Variants in FREM1 observed in about 807,000 individuals in gnomAD.
FREM1 encodes FRAS1 related extracellular matrix 1.
A neutral mutation model predicts 210.1 loss-of-function variants in FREM1; 220 were observed. The observed-to-expected ratio is 1.05, with a 90% CI of 0.94 to 1.17. The LOEUF is 1.17. Among genes scored for constraint, FREM1 ranks in the 50% most tolerant of loss-of-function variants. The probability of loss-of-function intolerance (pLI) is 0.00; values close to 1 mark genes in which losing one functional copy is unlikely to be tolerated. For synonymous variants in FREM1, 1,189 were observed against 980.2 expected, an observed-to-expected ratio of 1.21 and a Z score of -3.98; for missense variants, 3,454 against 2,675.5, an observed-to-expected ratio of 1.29 and a Z score of -6.42.
chr9:14,819,793 C>G (rs969697685), intron 13 of FREM1, among the ~76,000 whole-genome samples: 2 of 152,214 alleles, frequency 1.3e-5, no homozygotes, highest in Admixed American at 1.3e-4. Flanking sequence ...ATTCCCATCA[C>G]TGTTCAATAC....
chr9:14,861,649 G>A (rs948617886), intron 3 of FREM1, among the ~76,000 whole-genome samples: 18 of 151,674 alleles, frequency 1.2e-4, no homozygotes, highest in African/African-American at 3.6e-4. Flanking sequence ...TGGGACTACA[G>A]GTGCCTGCCA....
Position 14,776,016 on chromosome 9 carries a change from AG to A in FREM1, c.4629del (p.Phe1544SerfsTer62), listed in dbSNP as rs1848499920. ...TGCTGGGGGAGCTGAACCAAGAGGA[AG>A]GTGAGGTTCTCCGCAGGTGTATCAG... ...TDPDTPAENLTFLLVQLPQHG... is the reference protein window; with the variant it reads ...TDPDTPAENLXFLLVQLPQHG... On this transcript the variant is annotated frameshift_variant, in exon 25 of 37. Coordinates refer to ENST00000380880, the MANE Select transcript of FREM1 (RefSeq NM_001379081.2). LOFTEE classifies it high-confidence loss of function. 3.1e-6 allele frequency: 5 copies of A among 1,614,004 alleles called. No homozygotes were observed. Among genetic ancestry groups the A allele is most frequent in the Non-Finnish European group, 4.2e-6 (5 of 1,179,876 alleles).
chr9:14,751,730 T>A (rs563797286), intron 29 of FREM1: 14 of 152,096 alleles, frequency 9.2e-5, no homozygotes, highest in Non-Finnish European at 1.9e-4. Context: ...ACTGTCCATC[T>A]ATATGGTGGC....
At chr9:14,897,701 C>G (rs1198662617) in intron 1 of FREM1, among the ~76,000 whole-genome samples, 1 of 152,060 alleles carries the variant, frequency 6.6e-6, no homozygotes, top group Non-Finnish European at 1.5e-5. Flanking sequence ...AGCAATCCTC[C>G]CACCTCAGCT....
chr9:14,807,936 T>C lies in FREM1; in HGVS notation c.3088+4A>G. ...AGTACTGGAACAAAAAAACACATTG[T>C]CACCTATTGCAATGGAAGGTGGCTG... On this transcript the variant is annotated splice_donor_region_variant and intron_variant, in intron 17 of 36. Coordinates refer to ENST00000380880, the MANE Select transcript of FREM1 (RefSeq NM_001379081.2). The C allele has an allele frequency of 6.2e-7, 1 of 1,605,150 alleles. No homozygotes were observed. The highest frequency in any genetic ancestry group is 8.5e-7 in the Non-Finnish European group (1 of 1,172,598).
intron 5 of FREM1, among the ~76,000 whole-genome samples, chr9:14,851,894 C>A (rs903313): frequency 6.6e-6 from 1 of 152,104 alleles, no homozygotes; most frequent in African/African-American, 2.4e-5. Context: ...GGAGCACCTA[C>A]TTTGGCATCA....
intron 19 of FREM1, 124 bp from the exon 20 acceptor site, chr9:14,801,998 G>C: frequency 1.5e-6 from 1 of 647,336 alleles, no homozygotes; most frequent in African/African-American, 1.8e-5. Context: ...ATTTATATAG[G>C]ATGAGTCCTA....
At chr9:14,901,589 A>T (rs1838789500) in intron 1 of FREM1, among the ~76,000 whole-genome samples, 1 of 152,286 alleles carries the variant, frequency 6.6e-6, no homozygotes, top group Non-Finnish European at 1.5e-5. Context: ...AATAAAATGG[A>T]TTTTTTATAT....
At chr9:14,796,172 G>A (rs1265889509) in intron 21 of FREM1, among the ~76,000 whole-genome samples, 1 of 152,158 alleles carries the variant, frequency 6.6e-6, no homozygotes, top group East Asian at 1.9e-4. Flanking sequence ...GGGCAGATAA[G>A]GAAGGGACTT....
At position 14,851,611 on chromosome 9, in the gene FREM1, T is replaced by C. The variant is rs1181377782; in HGVS notation, c.829-4A>G. The stretch of plus-strand genomic sequence containing the variant: ...CAGGCAGCCACGCACTCTCTGACTT[T>C]TGAAGGATAGAGAAAATATAAAGGA... On this transcript the variant is annotated splice_polypyrimidine_tract_variant and splice_region_variant and intron_variant, in intron 5 of 36. Transcript: ENST00000380880. 9 of 1,604,260 alleles carry C rather than the reference T, an allele frequency of 5.6e-6. No homozygotes were observed. The highest frequency in any genetic ancestry group is 6.8e-6 in the Non-Finnish European group (8 of 1,171,160).
At position 14,806,651 on chromosome 9, in the gene FREM1, T is replaced by G; in HGVS notation, c.3274+10A>C. 6.6e-7 allele frequency: 1 copy of G among 1,514,022 alleles called. No homozygotes were observed. The highest frequency in any genetic ancestry group is 9.1e-7 in the Non-Finnish European group (1 of 1,098,896). 93.8% of individuals were successfully genotyped at this position (1,514,022 alleles called of 1,614,324 possible). ...AGGGAGTCATTGCTGGTGACGAAGC[T>G]ACAGCTTACCTATACTTATGCCAAT... On this transcript the variant is annotated intron_variant, in intron 18 of 36. Coordinates refer to ENST00000380880, the MANE Select transcript of FREM1 (RefSeq NM_001379081.2).
chr9:14,756,487 T>A, intron 28 of FREM1, 41 bp from the exon 29 acceptor site: 1 of 1,345,460 alleles, frequency 7.4e-7, no homozygotes, highest in South Asian at 1.3e-5. Context: ...TAAAAATAAA[T>A]ATTCTACAAT....
chr9:14,864,281 T>C (rs1279390132), intron 2 of FREM1, among the ~76,000 whole-genome samples: 1 of 152,242 alleles, frequency 6.6e-6, no homozygotes, highest in Non-Finnish European at 1.5e-5. Context: ...GAGAGTTCTT[T>C]CTGTGTGTCT....
chr9:14,897,575 C>T lies in FREM1; in HGVS notation c.-268+12339G>A, dbSNP rs567643361. 2.1e-5 allele frequency among the ~76,000 whole-genome samples: 3 copies of T among 146,166 alleles called. No individual in the cohort carries two copies. In the East Asian group the frequency reaches 5.9e-4, roughly 29 times the overall value. ...CCTAAAACCAACAAAGAGGCTTAAT[C>T]GAACTGTAATGATAATTTTTTTTTT... On this transcript the variant is annotated intron_variant, in intron 1 of 36. Transcript: ENST00000380880.
chr9:14,812,679 G>A lies in FREM1; in HGVS notation c.2893+133C>T, dbSNP rs554571108. Reference sequence around the variant, plus strand: ...ATGGTGATCATGCTGGAAAAATGGAGGCCAGGCTGCAGCTGCTTCTTGTTT... The same window carrying A: ...ATGGTGATCATGCTGGAAAAATGGAAGCCAGGCTGCAGCTGCTTCTTGTTT... On this transcript the variant is annotated intron_variant, in intron 16 of 36. Transcript: ENST00000380880. 4 of 861,300 alleles carry A rather than the reference G, an allele frequency of 4.6e-6. No homozygotes were observed. The South Asian group carries it at 8.4e-5, about 18-fold the overall frequency. The allele number at this position is 861,300 out of a possible 1,614,324, so 53.4% of individuals were successfully genotyped here.
In FREM1 at chr9:14,869,181, A is replaced by C. The variant is rs7860346; in HGVS notation, c.-204T>G. On this transcript the variant is annotated 5_prime_UTR_variant, in exon 2 of 37. Coordinates refer to ENST00000380880, the MANE Select transcript of FREM1 (RefSeq NM_001379081.2). The stretch of plus-strand genomic sequence containing the variant: ...CAGGCAATCCCAGGGCTTTTAATAA[A>C]ACTCGCTGATCACTCCTGACAACGC... 10,555 of 514,320 alleles carry C rather than the reference A, an allele frequency of 0.021. 750 individuals are homozygous for C. Among genetic ancestry groups the C allele is most frequent in the African/African-American group, 0.17 (8,882 of 53,094 alleles). 31.9% of individuals were successfully genotyped at this position (514,320 alleles called of 1,614,324 possible).
chr9:14,829,570 A>G (rs1384351831), intron 10 of FREM1, among the ~76,000 whole-genome samples: 2 of 152,184 alleles, frequency 1.3e-5, no homozygotes, highest in East Asian at 1.9e-4. Flanking sequence ...TGAGGCTGCA[A>G]GTTCAAGCTC....
rs116152252 is a variant in FREM1 at position 14,741,561 on chromosome 9, C to A, written c.6255-1327G>T. 3.7e-3 allele frequency among the ~76,000 whole-genome samples: 562 copies of A among 152,260 alleles called. 3 individuals are homozygous for A. Among genetic ancestry groups the A allele is most frequent in the African/African-American group, 0.013 (543 of 41,552 alleles). ...GATGAGGCATCTCCTCTCCTCCCCT[C>A]CCCAACACATCCAACACGCTCACTC... On this transcript the variant is annotated intron_variant, in intron 35 of 36. Coordinates refer to ENST00000380880, the MANE Select transcript of FREM1 (RefSeq NM_001379081.2).
At chr9:14,881,948 T>C (rs998492817) in intron 1 of FREM1, among the ~76,000 whole-genome samples, 2 of 152,142 alleles carry the variant, frequency 1.3e-5, no homozygotes, top group Admixed American at 6.5e-5. Context: ...GCCTTGCACA[T>C]GAAAAAATGA....
Sources: allele counts gnomAD v4.1 joint callset (sites outside exome capture counted in the v4.1 genomes callset), GRCh38; gene constraint gnomAD v4.1.1; transcripts MANE v1.5; gene names NCBI Gene and HGNC (gene_info 2026-07-23, HGNC 2026-07-21).